ARHGAP1: variants seen among roughly 807,000 people sequenced by gnomAD.
The protein encoded by ARHGAP1 is Rho GTPase activating protein 1.
ARHGAP1 carries 23 observed loss-of-function variants against 52.2 expected under a neutral mutation model. The ratio of observed to expected loss-of-function variants is 0.44; its 90% confidence interval spans 0.32 to 0.62. The LOEUF is 0.62. Ranked by LOEUF, ARHGAP1 falls within the 20% of genes least tolerant of loss-of-function variation. The pLI is 0.05. For synonymous variants in ARHGAP1, 210 were observed against 228.4 expected (o/e 0.92, Z 0.73); for missense variants, 480 against 560.9 (o/e 0.86, Z 1.46).
chr11:46,699,996 C>A (rs1347622547), intron 1 of ARHGAP1, among the ~76,000 whole-genome samples: 3 of 151,802 alleles, frequency 2.0e-5, no homozygotes. Context: ...ATGGTGAAAC[C>A]CTGTCTCTAC....
At position 46,696,230 on chromosome 11, in the gene ARHGAP1, T is replaced by C; in HGVS notation, c.-49-74A>G. 1 of 1,046,466 alleles carries C rather than the reference T, an allele frequency of 9.6e-7. No individual in the cohort carries two copies. Among genetic ancestry groups the C allele is most frequent in the Non-Finnish European group, 1.4e-6 (1 of 735,070 alleles). 64.8% of individuals were successfully genotyped at this position (1,046,466 alleles called of 1,614,324 possible). ...CTTCTGCGACCTCCACCGCGTGCCCTCCTGCCCCCACCATTCCCTCTCCCA... is the reference window on the plus strand; with the variant it reads ...CTTCTGCGACCTCCACCGCGTGCCCCCCTGCCCCCACCATTCCCTCTCCCA... On this transcript the variant is annotated intron_variant, in intron 1 of 12. Transcript: ENST00000311956. The surrounding 1 kb of genome is among the most constrained non-coding windows in gnomAD (Gnocchi z 4.8).
At chr11:46,688,664 G>A (rs2064589928) in intron 3 of ARHGAP1, among the ~76,000 whole-genome samples, 1 of 151,848 alleles carries the variant, frequency 6.6e-6, no homozygotes, top group South Asian at 2.1e-4. Flanking sequence ...AAAATTTTTT[G>A]TAGAGACAGA....
intron 4 of ARHGAP1, among the ~76,000 whole-genome samples, chr11:46,684,919 C>G (rs1592386595): frequency 6.6e-6 from 1 of 151,862 alleles, no homozygotes. Context: ...GAAACCCTCT[C>G]TCTACTAAAA....
chr11:46,680,842 C>T lies in ARHGAP1; in HGVS notation c.636-95G>A, dbSNP rs969778193. On this transcript the variant is annotated intron_variant, in intron 7 of 12. Coordinates refer to ENST00000311956, the MANE Select transcript of ARHGAP1 (RefSeq NM_004308.5). The surrounding 1 kb of genome is among the most constrained non-coding windows in gnomAD (Gnocchi z 5.9). ...ATTGACCACGCGGGGTCAGGAGGAT[C>T]ATCTCATGCGATCTCTGTAACAACT... 37 of 1,104,084 alleles carry T rather than the reference C, an allele frequency of 3.4e-5. No homozygotes were observed. Among genetic ancestry groups the T allele is most frequent in the Non-Finnish European group, 4.4e-5 (34 of 772,554 alleles). 68.4% of individuals were successfully genotyped at this position (1,104,084 alleles called of 1,614,324 possible).
rs548762085 is a variant in ARHGAP1, at chr11:46,692,497, CT to C, written c.229+3162del. Among the ~76,000 whole-genome samples the C allele has an allele frequency of 2.2e-4, 33 of 152,270 alleles. No individual in the cohort carries two copies. In the South Asian group the frequency reaches 6.6e-3, roughly 31 times the overall value. On this transcript the variant is annotated intron_variant, in intron 3 of 12. Transcript: ENST00000311956. ...CCAGGGCAGAAAGTCTGTGAGGCCC[CT>C]GGGTCTAAAATATAAGAGGTAGCAA... is the stretch of plus-strand genomic sequence containing the variant.
rs568907709 is a variant in ARHGAP1 at position 46,681,554 on chromosome 11, C to T, written c.450-175G>A. The T allele has an allele frequency of 5.2e-6, 3 of 572,352 alleles. No individual in the cohort carries two copies. In the South Asian group the frequency reaches 6.0e-5, roughly 11 times the overall value. 35.5% of individuals were successfully genotyped at this position (572,352 alleles called of 1,614,324 possible). On this transcript the variant is annotated intron_variant, in intron 5 of 12. Transcript: ENST00000311956. The surrounding 1 kb of genome is among the most constrained non-coding windows in gnomAD (Gnocchi z 5.7). ...ATTCAAGCTATTCTCCTGCCTCAGC[C>T]TCCTGAGTAACTAGGATTACAGGCA... is the stretch of plus-strand genomic sequence containing the variant.
intron 4 of ARHGAP1, chr11:46,687,353 CCTT>C (rs770883150): frequency 6.6e-6 from 1 of 152,332 alleles, no homozygotes; most frequent in Non-Finnish European, 1.5e-5. Context: ...AGGCCCTTCT[CCTT>C]CTGCGGCTGC....
In ARHGAP1 at chr11:46,678,947, C is replaced by T; in HGVS notation, c.*90G>A. The T allele has an allele frequency of 1.4e-6, 2 of 1,417,798 alleles. No homozygotes were observed. The highest frequency in any genetic ancestry group is 2.4e-5 in the East Asian group (1 of 41,786). The allele number at this position is 1,417,798 out of a possible 1,614,324, so 87.8% of individuals were successfully genotyped here. On this transcript the variant is annotated 3_prime_UTR_variant, in exon 13 of 13. Coordinates refer to ENST00000311956, the MANE Select transcript of ARHGAP1 (RefSeq NM_004308.5). ...TGCCTGATGGGTGGCTCCAACATCTCTCTCCAGGGGGCTTCATGGCCCCTG... is the reference window on the plus strand; with the variant it reads ...TGCCTGATGGGTGGCTCCAACATCTTTCTCCAGGGGGCTTCATGGCCCCTG...
rs144426074 is a variant in ARHGAP1 at position 46,688,134 on chromosome 11, C to A, written c.317+39G>T. On this transcript the variant is annotated intron_variant, in intron 4 of 12. Coordinates refer to ENST00000311956, the MANE Select transcript of ARHGAP1 (RefSeq NM_004308.5). ...CGTGGCATTAGGCTACAATGGGGAT[C>A]TGGGCAAAGCCCCAACACACTTCCC... 1,377 of 1,586,736 alleles carry A rather than the reference C, an allele frequency of 8.7e-4. 6 individuals carry two copies. In the African/African-American group the frequency reaches 0.016, roughly 19 times the overall value.
At chr11:46,694,208 C>T (rs1293143721) in intron 3 of ARHGAP1, among the ~76,000 whole-genome samples, 1 of 152,192 alleles carries the variant, frequency 6.6e-6, no homozygotes, top group Non-Finnish European at 1.5e-5. Flanking sequence ...GCTCCTTTCC[C>T]TTTGGGGCCT....
chr11:46,685,925 C>T (rs992726879), intron 4 of ARHGAP1, among the ~76,000 whole-genome samples: 1 of 151,110 alleles, frequency 6.6e-6, no homozygotes, highest in Non-Finnish European at 1.5e-5. Flanking sequence ...CCACCTGCCT[C>T]AGCCTCCCAA....
At chr11:46,695,560 C>A in intron 3 of ARHGAP1, 100 bp downstream of exon 3, 1 of 1,260,608 alleles carries the variant, frequency 7.9e-7, no homozygotes, top group South Asian at 1.3e-5. Flanking sequence ...CCAGGGCCAG[C>A]GGTCAGACTG....
At chr11:46,687,979 A>G (rs897162242) in intron 4 of ARHGAP1, 194 bp downstream of exon 4, 2 of 549,334 alleles carry the variant, frequency 3.6e-6, no homozygotes, top group East Asian at 3.0e-5. Context: ...CCCAGCTTCA[A>G]TAACTAGAAA....
intron 3 of ARHGAP1, among the ~76,000 whole-genome samples, chr11:46,693,036 T>G (rs1046626051): frequency 6.6e-6 from 1 of 152,122 alleles, no homozygotes; most frequent in African/African-American, 2.4e-5. Context: ...GTATTTTTAG[T>G]AGAGACGGGG....
At chr11:46,683,713 T>A (rs2064546439) in intron 4 of ARHGAP1, among the ~76,000 whole-genome samples, 1 of 151,742 alleles carries the variant, frequency 6.6e-6, no homozygotes, top group African/African-American at 2.4e-5. Flanking sequence ...TGATCTCGGC[T>A]CACCAAAACC....
At chr11:46,684,127 G>C (rs2064550749) in intron 4 of ARHGAP1, among the ~76,000 whole-genome samples, 1 of 152,208 alleles carries the variant, frequency 6.6e-6, no homozygotes, top group Non-Finnish European at 1.5e-5. Context: ...GCCCGTGGGT[G>C]CCAGGCTGGG....
chr11:46,680,083 A>G lies in ARHGAP1; in HGVS notation c.898+122T>C. The G allele has an allele frequency of 2.4e-6, 3 of 1,259,848 alleles. No individual in the cohort carries two copies. The highest frequency in any genetic ancestry group is 3.4e-6 in the Non-Finnish European group (3 of 875,212). 78.0% of individuals were successfully genotyped at this position (1,259,848 alleles called of 1,614,324 possible). A position where few individuals can be genotyped will look rare whatever the true frequency, so the allele number is the denominator to read the frequency against. ...CAGAAGTAGGACTTATGTGACACCC[A>G]GAGCCACGGAAACCTCCAGCAGGAA... On this transcript the variant is annotated intron_variant, in intron 10 of 12. Transcript: ENST00000311956. The surrounding 1 kb of genome is among the most constrained non-coding windows in gnomAD (Gnocchi z 5.9).
chr11:46,694,189 C>T (rs1184842278), intron 3 of ARHGAP1, among the ~76,000 whole-genome samples: 1 of 152,186 alleles, frequency 6.6e-6, no homozygotes. Flanking sequence ...AGGCCAGACC[C>T]TCCCGCAAGC....
chr11:46,696,274 C>A lies in ARHGAP1; in HGVS notation c.-49-118G>T. ...TCTCCCAGGCTCCCTGTCCCTATTC[C>A]TCAACACTCCTCATCCCCGCCAAGA... On this transcript the variant is annotated intron_variant, in intron 1 of 12. Transcript: ENST00000311956. The surrounding 1 kb of genome is among the most constrained non-coding windows in gnomAD (Gnocchi z 4.8). 1 of 657,552 alleles carries A rather than the reference C, an allele frequency of 1.5e-6. No homozygotes were observed. The highest frequency in any genetic ancestry group is 1.9e-5 in the South Asian group (1 of 51,472). The allele number at this position is 657,552 out of a possible 1,614,324, so 40.7% of individuals were successfully genotyped here.
Sources: allele counts gnomAD v4.1 joint callset (sites outside exome capture counted in the v4.1 genomes callset), GRCh38; gene constraint gnomAD v4.1.1; non-coding constraint Gnocchi (gnomAD v3.1); transcripts MANE v1.5; gene names NCBI Gene and HGNC (gene_info 2026-07-23, HGNC 2026-07-21).